PITX1: variants seen among roughly 807,000 people sequenced by gnomAD.
PITX1 encodes paired like homeodomain 1.
A neutral mutation model predicts 24.1 loss-of-function variants in PITX1; 5 were observed. The observed-to-expected ratio is 0.21, with a 90% CI of 0.11 to 0.44. The LOEUF is 0.44. Among genes scored for constraint, PITX1 ranks in the 20% least tolerant of loss-of-function variants. PITX1 has a pLI of 0.99. For synonymous variants in PITX1, 213 were observed against 208.9 expected, an observed-to-expected ratio of 1.02 and a Z score of -0.17; for missense variants, 401 against 455.4, an observed-to-expected ratio of 0.88 and a Z score of 1.09.
Position 135,028,289 on chromosome 5 carries a change from C to G in PITX1, c.*490G>C, listed in dbSNP as rs1219176669. 1 of 152,378 alleles carries G rather than the reference C, an allele frequency of 6.6e-6. No homozygotes were observed. The highest frequency in any genetic ancestry group is 1.5e-5 in the Non-Finnish European group (1 of 68,156). The allele number at this position is 152,378 out of a possible 1,614,324, so 9.4% of individuals were successfully genotyped here. On this transcript the variant is annotated 3_prime_UTR_variant, in exon 3 of 3. Coordinates refer to ENST00000265340, the MANE Select transcript of PITX1 (RefSeq NM_002653.5). ...GAGGGCAACTTGGTTTGTACGGGGT[C>G]GGGAAATCCTAGGCAAGTCCAGGCC...
At position 135,033,195 on chromosome 5, in the gene PITX1, CCT is replaced by C. The variant is rs1292781880; in HGVS notation, c.169+516_169+517del. 3.1e-5 allele frequency: 10 copies of C among 319,112 alleles called. No individual in the cohort carries two copies. The East Asian group carries it at 5.6e-4, about 18-fold the overall frequency. 19.8% of individuals were successfully genotyped at this position (319,112 alleles called of 1,614,324 possible). A position where few individuals can be genotyped will look rare whatever the true frequency, so the allele number is the denominator to read the frequency against. ...CTGTTGGCCCGCTCGCCCTCACCGT[CCT>C]CTGTGTCTCCCTTCTACTTGATGAC... is the stretch of plus-strand genomic sequence containing the variant. On this transcript the variant is annotated intron_variant, in intron 1 of 2. Transcript: ENST00000265340. This position sits in a 1 kb window ranked among gnomAD's most constrained non-coding sequence, Gnocchi z 5.9.
In PITX1 at chr5:135,031,531, C is replaced by T. The variant is rs771737179; in HGVS notation, c.170-23G>A. 6 of 1,584,980 alleles carry T rather than the reference C, an allele frequency of 3.8e-6. No individual in the cohort carries two copies. In the East Asian group the frequency reaches 9.0e-5, roughly 24 times the overall value. ...TCTCTGCAGTAGGCAGGACGGGGAGCGGGTCACCTGGGCTTACGCCCCGTT... is the reference window on the plus strand; with the variant it reads ...TCTCTGCAGTAGGCAGGACGGGGAGTGGGTCACCTGGGCTTACGCCCCGTT... On this transcript the variant is annotated intron_variant, in intron 1 of 2. Transcript: ENST00000265340.
Position 135,029,013 on chromosome 5 carries a change from C to T in PITX1, c.711G>A (p.Met237Ile), listed in dbSNP as rs1561470713. 6.2e-7 allele frequency: 1 copy of T among 1,614,204 alleles called. No individual in the cohort carries two copies. The highest frequency in any genetic ancestry group is 1.3e-5 in the African/African-American group (1 of 75,054). ...SSMGPGAVPGMPNSGLNNINN... is the reference protein window; with the variant it reads ...SSMGPGAVPGIPNSGLNNINN... ...TGATGTTGTTGAGGCCCGAGTTGGG[C>T]ATGCCAGGCACGGCGCCTGGGCCCA... The change falls in exon 3 of 3, where the codon ATG (methionine) becomes ATA (isoleucine). Residue 237 changes from methionine (M) to isoleucine (I), a missense_variant. Coordinates refer to ENST00000265340, the MANE Select transcript of PITX1 (RefSeq NM_002653.5).
intron 1 of PITX1, 167 bp from the exon 2 acceptor site, chr5:135,031,675 C>T (rs897711990): frequency 1.1e-5 from 7 of 612,322 alleles, no homozygotes; most frequent in Non-Finnish European, 2.0e-5. Flanking sequence ...GGGTGCTGGT[C>T]GTCAGTAGGC....
intron 1 of PITX1, among the ~76,000 whole-genome samples, chr5:135,032,492 C>T (rs537882550): frequency 5.3e-5 from 8 of 152,100 alleles, no homozygotes; most frequent in Non-Finnish European, 1.2e-4. Context: ...CAAATAACAC[C>T]ACTGTAAATG....
chr5:135,032,095 C>G (rs1752464579), intron 1 of PITX1: 1 of 152,798 alleles, frequency 6.5e-6, no homozygotes, highest in African/African-American at 2.4e-5. Context: ...GTCTGTCTCT[C>G]TTTGAAGCTA....
rs1752376061 is a variant in PITX1 at position 135,027,977 on chromosome 5, G to A, written c.*802C>T. ...AGACAGAGGGCCACCTCCTAGCCCGGGAGCAGAGCAGAGGGCCTGGGCCTG... is the reference window on the plus strand; with the variant it reads ...AGACAGAGGGCCACCTCCTAGCCCGAGAGCAGAGCAGAGGGCCTGGGCCTG... On this transcript the variant is annotated 3_prime_UTR_variant, in exon 3 of 3. Coordinates refer to ENST00000265340, the MANE Select transcript of PITX1 (RefSeq NM_002653.5). 1 of 152,586 alleles carries A rather than the reference G, an allele frequency of 6.6e-6. No individual in the cohort carries two copies. Among genetic ancestry groups the A allele is most frequent in the South Asian group, 2.1e-4 (1 of 4,834 alleles). The allele number at this position is 152,586 out of a possible 1,614,324, so 9.5% of individuals were successfully genotyped here. A position where few individuals can be genotyped will look rare whatever the true frequency, so the allele number is the denominator to read the frequency against.
At chr5:135,030,868 T>C (rs557908001) in intron 2 of PITX1, among the ~76,000 whole-genome samples, 2 of 152,352 alleles carry the variant, frequency 1.3e-5, no homozygotes, top group South Asian at 4.1e-4. Flanking sequence ...AGGACCTGCC[T>C]TTCCCTTTCG....
At chr5:135,030,308 C>T (rs1352444120) in intron 2 of PITX1, among the ~76,000 whole-genome samples, 1 of 152,130 alleles carries the variant, frequency 6.6e-6, no homozygotes, top group Non-Finnish European at 1.5e-5. Context: ...CCTGATTCCA[C>T]CCCCACCCAC....
Position 135,033,656 on chromosome 5 carries a change from C to T in PITX1, c.169+57G>A. On this transcript the variant is annotated intron_variant, in intron 1 of 2. Transcript: ENST00000265340. This position sits in a 1 kb window ranked among gnomAD's most constrained non-coding sequence, Gnocchi z 5.9. ...CGGGCGTCAGGCCCTGCTCCCAGCT[C>T]CCCGTGCTCCGCGCCCGGGTAGGCT... 1.9e-6 allele frequency: 3 copies of T among 1,554,162 alleles called. No homozygotes were observed. Among genetic ancestry groups the T allele is most frequent in the Non-Finnish European group, 1.7e-6 (2 of 1,148,294 alleles).
chr5:135,028,514 AT>A lies in PITX1; in HGVS notation c.*264del, dbSNP rs558356217. ...TCCCGAGAGAAATTGCAACTCATCCATTTTTTCGCGGCACTTTTCTCCGACG... is the reference window on the plus strand; with the variant it reads ...TCCCGAGAGAAATTGCAACTCATCCATTTTTCGCGGCACTTTTCTCCGACG... On this transcript the variant is annotated 3_prime_UTR_variant, in exon 3 of 3. Transcript: ENST00000265340. 4.0e-4 allele frequency: 45 copies of A among 113,756 alleles called. No homozygotes were observed. In the East Asian group the frequency reaches 0.01, roughly 26 times the overall value. The allele number at this position is 113,756 out of a possible 1,614,324, so 7.0% of individuals were successfully genotyped here.
In PITX1 at chr5:135,033,565, G is replaced by A. The variant is rs1429959911; in HGVS notation, c.169+148C>T. The A allele has an allele frequency of 2.2e-5, 18 of 827,400 alleles. No individual in the cohort carries two copies. In the Admixed American group the frequency reaches 4.4e-4, roughly 20 times the overall value. The allele number at this position is 827,400 out of a possible 1,614,324, so 51.3% of individuals were successfully genotyped here. The stretch of plus-strand genomic sequence containing the variant: ...CGTAAGTTTCCGCGTTCACCGTCAG[G>A]TCGAGAACGGGAAAAAGAAAGCTCC... On this transcript the variant is annotated intron_variant, in intron 1 of 2. Coordinates refer to ENST00000265340, the MANE Select transcript of PITX1 (RefSeq NM_002653.5). This position sits in a 1 kb window ranked among gnomAD's most constrained non-coding sequence, Gnocchi z 5.9.
intron 2 of PITX1, among the ~76,000 whole-genome samples, chr5:135,030,442 A>G (rs931716530): frequency 1.3e-5 from 2 of 152,196 alleles, no homozygotes; most frequent in African/African-American, 4.8e-5. Context: ...GGTTATGGTA[A>G]GGAGTCTGTG....
Position 135,029,037 on chromosome 5 carries a change from C to T in PITX1, c.687G>A (p.Met229Ile), listed in dbSNP as rs775755663. Residue 229 changes from methionine (M) to isoleucine (I), a missense_variant, in exon 3 of 3, where the codon ATG becomes ATA. Met to Ile is a conservative substitution (Grantham distance 10). Coordinates refer to ENST00000265340, the MANE Select transcript of PITX1 (RefSeq NM_002653.5). ...SISSMTMPSS[M>I]GPGAVPGMPN... ...GCATGCCAGGCACGGCGCCTGGGCC[C>T]ATGCTGGACGGCATGGTCATGGAGG... 1.2e-6 allele frequency: 2 copies of T among 1,614,230 alleles called. No homozygotes were observed. Among genetic ancestry groups the T allele is most frequent in the Admixed American group, 1.7e-5 (1 of 60,038 alleles).
chr5:135,033,816 C>A lies in PITX1; in HGVS notation c.66G>T (p.Pro22=). The change falls in exon 1 of 3, where the codon CCG becomes CCT. Residue 22 remains proline, a synonymous_variant. Transcript: ENST00000265340. This position sits in a 1 kb window ranked among gnomAD's most constrained non-coding sequence, Gnocchi z 5.9. ...AGGCGGGCCCCATGTCATGGGGTGG[C>A]GGCGGCGGCGGCCGGAGCCCCTCCG... The part of the protein sequence containing the change: ...RLPEGLRPPP[P]PPHDMGPAFH... The A allele has an allele frequency of 1.3e-6, 2 of 1,531,364 alleles. No homozygotes were observed. Among genetic ancestry groups the A allele is most frequent in the African/African-American group, 1.4e-5 (1 of 69,990 alleles). The allele number at this position is 1,531,364 out of a possible 1,614,324, so 94.9% of individuals were successfully genotyped here.
Position 135,033,472 on chromosome 5 carries a change from A to G in PITX1, c.169+241T>C. On this transcript the variant is annotated intron_variant, in intron 1 of 2. Coordinates refer to ENST00000265340, the MANE Select transcript of PITX1 (RefSeq NM_002653.5). The surrounding 1 kb of genome is among the most constrained non-coding windows in gnomAD (Gnocchi z 5.9). ...AGAGGGGCTGTCAGTCCAACCCTCC[A>G]GCTGTAGGCTCGTGCATCTGCCAGT... The G allele has an allele frequency of 1.8e-6, 1 of 556,680 alleles. No homozygotes were observed. Among genetic ancestry groups the G allele is most frequent in the East Asian group, 3.2e-5 (1 of 31,250 alleles). The allele number at this position is 556,680 out of a possible 1,614,324, so 34.5% of individuals were successfully genotyped here.
At chr5:135,031,896 A>G (rs1752458344) in intron 1 of PITX1, 2 of 260,234 alleles carry the variant, frequency 7.7e-6, no homozygotes, top group South Asian at 5.9e-5. Flanking sequence ...TTTCTGAACT[A>G]GGATCAGATC....
chr5:135,030,199 T>G lies in PITX1; in HGVS notation c.403-878A>C, dbSNP rs749454275. Among the ~76,000 whole-genome samples, 4 of 152,194 alleles carry G rather than the reference T, an allele frequency of 2.6e-5. No individual in the cohort carries two copies. In the South Asian group the frequency reaches 8.3e-4, roughly 32 times the overall value. The stretch of plus-strand genomic sequence containing the variant: ...ACCTATCTGCCTACCGCATGCCCTC[T>G]GCCCACTCGGATTTTCCTCCAGTTC... On this transcript the variant is annotated intron_variant, in intron 2 of 2. Coordinates refer to ENST00000265340, the MANE Select transcript of PITX1 (RefSeq NM_002653.5).
intron 1 of PITX1, chr5:135,031,855 T>G: frequency 5.4e-6 from 2 of 373,382 alleles, no homozygotes; most frequent in Non-Finnish European, 4.9e-6. Flanking sequence ...TGCGAACTCT[T>G]AGGGGGTCTA....
Sources: allele counts gnomAD v4.1 joint callset (sites outside exome capture counted in the v4.1 genomes callset), GRCh38; gene constraint gnomAD v4.1.1; non-coding constraint Gnocchi (gnomAD v3.1); transcripts MANE v1.5; gene names NCBI Gene and HGNC (gene_info 2026-07-23, HGNC 2026-07-21).